ANK2: variants seen among roughly 807,000 people sequenced by gnomAD.
ANK2 encodes the protein ankyrin-2.
In ANK2, 83 loss-of-function variants were observed where a neutral mutation model predicts 360.5. The observed-to-expected ratio is 0.23, with a 90% CI of 0.19 to 0.28. The LOEUF is 0.28. ANK2 is among the 10% of genes least tolerant of loss of function. The probability of loss-of-function intolerance (pLI) is 1.00; values close to 1 mark genes in which losing one functional copy is unlikely to be tolerated. For missense variants in ANK2, 4,201 were observed against 4,795.7 expected, an observed-to-expected ratio of 0.88 and a Z score of 3.66; for synonymous variants, 1,740 against 1,759.5, an observed-to-expected ratio of 0.99 and a Z score of 0.28.
At chr4:112,898,438 T>C (rs2082342356) in intron 1 of ANK2, among the ~76,000 whole-genome samples, 1 of 152,142 alleles carries the variant, frequency 6.6e-6, no homozygotes, top group African/African-American at 2.4e-5. Context: ...TTGAAATGTG[T>C]CTGATGATTT....
At chr4:113,205,168 G>A (rs1584812182) in intron 4 of ANK2, among the ~76,000 whole-genome samples, 1 of 146,564 alleles carries the variant, frequency 6.8e-6, no homozygotes, top group South Asian at 2.1e-4. Context: ...CCCGGGAGGC[G>A]GAGCTTGCAG....
At chr4:112,867,613 T>A (rs2071166228) in intron 1 of ANK2, among the ~76,000 whole-genome samples, 1 of 152,038 alleles carries the variant, frequency 6.6e-6, no homozygotes, top group African/African-American at 2.4e-5. Context: ...TTCTATGGAT[T>A]TGCTTATTCT....
chr4:112,954,051 A>G (rs1561258381), intron 2 of ANK2, among the ~76,000 whole-genome samples: 1 of 152,100 alleles, frequency 6.6e-6, no homozygotes. Flanking sequence ...AACTATTTCT[A>G]TTTTAAACTC....
chr4:113,200,661 T>G (rs957260594), intron 4 of ANK2, among the ~76,000 whole-genome samples: 5 of 152,224 alleles, frequency 3.3e-5, no homozygotes, highest in Admixed American at 1.3e-4. Context: ...TGTAATTTCA[T>G]TCTCTTTTAT....
intron 4 of ANK2, among the ~76,000 whole-genome samples, chr4:113,210,272 C>T (rs2099005751): frequency 6.6e-6 from 1 of 152,066 alleles, no homozygotes; most frequent in South Asian, 2.1e-4. Context: ...TTTTGGTTTC[C>T]TTTACCAGCA....
rs10024890 is a variant in ANK2 at position 113,185,381 on chromosome 4, T to C, written c.186+10864T>C. 1.6e-3 allele frequency among the ~76,000 whole-genome samples: 251 copies of C among 152,342 alleles called. 2 individuals are homozygous for C. The highest frequency in any genetic ancestry group is 5.8e-3 in the African/African-American group (243 of 41,580). On this transcript the variant is annotated intron_variant, in intron 2 of 45. Transcript: ENST00000357077. ...CAAATCCTCTCCAGCATCTGTTGTT[T>C]CCTGACTTTTTAGTGATAGCCATTC...
intron 1 of ANK2, among the ~76,000 whole-genome samples, chr4:112,821,970 G>C (rs1035566296): frequency 6.6e-6 from 1 of 151,660 alleles, no homozygotes; most frequent in Non-Finnish European, 1.5e-5. Context: ...GTTTCACCTT[G>C]TTGCCCAGGC....
At chr4:112,965,529 C>T (rs1189213209) in intron 2 of ANK2, among the ~76,000 whole-genome samples, 1 of 152,030 alleles carries the variant, frequency 6.6e-6, no homozygotes, top group Admixed American at 6.6e-5. Flanking sequence ...GGGCATTAGT[C>T]AAAAAATTTT....
chr4:113,300,199 A>G (rs1486848321), intron 22 of ANK2, among the ~76,000 whole-genome samples: 1 of 152,120 alleles, frequency 6.6e-6, no homozygotes, highest in East Asian at 1.9e-4. Flanking sequence ...GTTTGCTTTC[A>G]GTGAATAAGA....
At position 113,355,284 on chromosome 4, in the gene ANK2, C is replaced by G; in HGVS notation, c.6666C>G (p.Thr2222=). 6.2e-7 allele frequency: 1 copy of G among 1,613,930 alleles called. No individual in the cohort carries two copies. Among genetic ancestry groups the G allele is most frequent in the Non-Finnish European group, 8.5e-7 (1 of 1,179,934 alleles). Residue 2222 remains threonine (T), a synonymous_variant, in exon 38 of 46, where the codon ACC becomes ACG. Transcript: ENST00000357077. ...GSPCGSLMEG[T]PQISSEESYK... The stretch of plus-strand genomic sequence containing the variant: ...CGTGTGGCAGCCTGATGGAGGGGAC[C>G]CCTCAGATTAGTTCAGAAGAAAGCT...
At position 113,345,971 on chromosome 4, in the gene ANK2, G is replaced by A. The variant is rs1057520495; in HGVS notation, c.4320G>A (p.Leu1440=). ...AGGAGCCAAAATCCACGAGAGGCCT[G>A]GTGCATCAAGCTATTTGCAACTTAA... ...FMKEPKSTRG[L]VHQAICNLNI... Residue 1440 remains leucine, a synonymous_variant, in exon 35 of 46, where the codon CTG becomes CTA. Transcript: ENST00000357077. The A allele has an allele frequency of 4.3e-6, 7 of 1,613,530 alleles. No homozygotes were observed. Among genetic ancestry groups the A allele is most frequent in the Non-Finnish European group, 5.9e-6 (7 of 1,179,672 alleles).
At chr4:113,119,379 C>T (rs2095168027) in intron 1 of ANK2, among the ~76,000 whole-genome samples, 1 of 151,710 alleles carries the variant, frequency 6.6e-6, no homozygotes, top group South Asian at 2.1e-4. Flanking sequence ...GACAGTCCCT[C>T]CCCCAACCCC....
intron 11 of ANK2, among the ~76,000 whole-genome samples, chr4:113,257,014 A>G (rs907535447): frequency 2.0e-5 from 3 of 152,236 alleles, no homozygotes; most frequent in African/African-American, 4.8e-5. Flanking sequence ...GGCATGTTGT[A>G]TAGCTCATAA....
chr4:113,117,245 G>A, intron 1 of ANK2: 1 of 454,464 alleles, frequency 2.2e-6, no homozygotes, highest in Non-Finnish European at 4.4e-6. Context: ...GCTGGGGAGT[G>A]GAAACTGATC....
At chr4:113,311,172 A>G in intron 23 of ANK2, 83 bp from the exon 24 acceptor site, 2 of 1,564,740 alleles carry the variant, frequency 1.3e-6, no homozygotes, top group Non-Finnish European at 1.8e-6. Context: ...AATGATGTTG[A>G]TGCATTTCAC....
At chr4:112,818,693 A>G (rs1281374351) in intron 1 of ANK2, among the ~76,000 whole-genome samples, 1 of 152,134 alleles carries the variant, frequency 6.6e-6, no homozygotes, top group Non-Finnish European at 1.5e-5. Context: ...AGTGGTTGCC[A>G]CCCCTTCTCT....
intron 1 of ANK2, among the ~76,000 whole-genome samples, chr4:112,877,649 G>C (rs879601337): frequency 6.6e-6 from 1 of 152,122 alleles, no homozygotes; most frequent in Non-Finnish European, 1.5e-5. Context: ...ATTTCAAGAT[G>C]GCAACCTCAG....
chr4:113,355,195 T>G lies in ANK2; in HGVS notation c.6577T>G (p.Leu2193Val). Residue 2193 changes from leucine to valine, a missense_variant, in exon 38 of 46, where the codon TTA (leucine) becomes GTA (valine). By Grantham distance (32) the Leu-to-Val change is conservative (BLOSUM62 1). Coordinates refer to ENST00000357077, the MANE Select transcript of ANK2 (RefSeq NM_001148.6). ...AGATGAGTTCCTTCCAGCTCTGTCT[T>G]TACAAAGCGGTGCTTTAGATGGCAG... ...MKDEFLPALS[L>V]QSGALDGSSE... The G allele has an allele frequency of 1.2e-6, 2 of 1,614,134 alleles. No homozygotes were observed. Among genetic ancestry groups the G allele is most frequent in the Non-Finnish European group, 1.7e-6 (2 of 1,179,978 alleles).
At chr4:112,966,944 G>C (rs138870689) in intron 2 of ANK2, among the ~76,000 whole-genome samples, 2 of 152,112 alleles carry the variant, frequency 1.3e-5, no homozygotes, top group African/African-American at 2.4e-5. Flanking sequence ...GAGGGCCTTG[G>C]GGGGAGCATG....
Sources: allele counts gnomAD v4.1 joint callset (sites outside exome capture counted in the v4.1 genomes callset), GRCh38; gene constraint gnomAD v4.1.1; transcripts MANE v1.5; gene names NCBI Gene and HGNC (gene_info 2026-07-23, HGNC 2026-07-21).